KLHL1: variants seen among roughly 807,000 people sequenced by gnomAD.
KLHL1 encodes kelch-like protein 1.
KLHL1 carries 47 observed loss-of-function variants against 77.7 expected under a neutral mutation model. The ratio of observed to expected loss-of-function variants is 0.60; its 90% CI spans 0.48 to 0.77. The LOEUF is 0.77. Among genes scored for constraint, KLHL1 ranks in the 30% least tolerant of loss-of-function variants. The pLI, the probability that KLHL1 is intolerant of heterozygous loss-of-function variation, is 0.00. For synonymous variants in KLHL1, 360 were observed against 325.2 expected (o/e 1.11, Z -1.15); for missense variants, 925 against 910.8 (o/e 1.02, Z -0.20).
chr13:69,960,989 T>A lies in KLHL1; in HGVS notation c.817+319A>T, dbSNP rs182232309. 3.6e-3 allele frequency among the ~76,000 whole-genome samples: 543 copies of A among 152,166 alleles called. 4 individuals are homozygous for A. In the Middle Eastern group the frequency reaches 0.044, roughly 12 times the overall value. ...AAGAAAAGACAATTAGAATCTCTTT[T>A]CTTTCCTAAGCAAACATGGACATAA... On this transcript the variant is annotated intron_variant, in intron 3 of 10. Transcript: ENST00000377844.
Position 69,780,719 on chromosome 13 carries a change from T to TATATATATAC in KLHL1, c.1639+16018_1639+16019insGTATATATAT, listed in dbSNP as rs1566243825. On this transcript the variant is annotated intron_variant, in intron 7 of 10. Coordinates refer to ENST00000377844, the MANE Select transcript of KLHL1 (RefSeq NM_020866.3). ...ATATATATGTATATATATATATGTATATATATATATATACATATATATATA... is the reference window on the plus strand; with the variant it reads ...ATATATATGTATATATATATATGTATATATATATACATATATATATATACATATATATATA... Among the ~76,000 whole-genome samples the TATATATATAC allele has an allele frequency of 7.7e-3, 460 of 59,576 alleles. 8 individuals are homozygous for TATATATATAC. The highest frequency in any genetic ancestry group is 0.028 in the African/African-American group (442 of 15,602). The allele number at this position is 59,576 out of a possible 152,430, so 39.1% of individuals were successfully genotyped here. A position where few individuals can be genotyped will look rare whatever the true frequency, so the allele number is the denominator to read the frequency against.
intron 6 of KLHL1, among the ~76,000 whole-genome samples, chr13:69,821,815 T>C (rs1200825755): frequency 6.6e-6 from 1 of 152,168 alleles, no homozygotes; most frequent in African/African-American, 2.4e-5. Context: ...ACATAAACTA[T>C]TTTCGACTAA....
intron 7 of KLHL1, among the ~76,000 whole-genome samples, chr13:69,788,490 A>T (rs1593833185): frequency 6.6e-6 from 1 of 152,210 alleles, no homozygotes; most frequent in East Asian, 1.9e-4. Flanking sequence ...GAAGGGGAAC[A>T]TCACACTTCG....
At chr13:69,766,328 A>C (rs1875300581) in intron 7 of KLHL1, among the ~76,000 whole-genome samples, 2 of 152,072 alleles carry the variant, frequency 1.3e-5, no homozygotes, top group African/African-American at 2.4e-5. Flanking sequence ...TCAAATATGC[A>C]AATGTTGAGT....
intron 3 of KLHL1, 43 bp from the exon 4 acceptor site, chr13:69,940,279 T>G (rs1233684878): frequency 7.0e-7 from 1 of 1,434,824 alleles, no homozygotes; most frequent in Non-Finnish European, 9.5e-7. Flanking sequence ...TTTAAAAACA[T>G]GAAATAATAT....
intron 1 of KLHL1, among the ~76,000 whole-genome samples, chr13:69,999,350 C>T (rs957092229): frequency 2.0e-5 from 3 of 151,830 alleles, no homozygotes; most frequent in Non-Finnish European, 2.9e-5. Context: ...TGAGAAGATC[C>T]CAATGACTTG....
intron 8 of KLHL1, among the ~76,000 whole-genome samples, chr13:69,723,845 T>C (rs1196011183): frequency 1.4e-5 from 2 of 146,736 alleles, no homozygotes; most frequent in African/African-American, 2.5e-5. Context: ...TCAGAATTTT[T>C]TTTTTTTTTT....
intron 1 of KLHL1, among the ~76,000 whole-genome samples, chr13:70,068,195 G>C (rs1309431637): frequency 6.6e-6 from 1 of 151,886 alleles, no homozygotes. Flanking sequence ...CAAAAAATTG[G>C]CCGGGCGTGG....
chr13:70,107,406 T>G lies in KLHL1; in HGVS notation c.294A>C (p.Pro98=), dbSNP rs755788609. 9.3e-6 allele frequency: 15 copies of G among 1,613,108 alleles called. No homozygotes were observed. The highest frequency in any genetic ancestry group is 1.3e-5 in the Non-Finnish European group (15 of 1,180,006). Reference sequence around the variant, plus strand: ...CCCCTTGCTGCAGCCTCGTGGCAACTGGAAGCAGGGTGCCATTCAGCGGAT... The same window carrying G: ...CCCCTTGCTGCAGCCTCGTGGCAACGGGAAGCAGGGTGCCATTCAGCGGAT... The part of the protein sequence containing the change: ...SFNPLNGTLL[P]VATRLQQGAP... Residue 98 remains proline, a synonymous_variant, in exon 1 of 11, where the codon CCA becomes CCC. Coordinates refer to ENST00000377844, the MANE Select transcript of KLHL1 (RefSeq NM_020866.3).
intron 1 of KLHL1, among the ~76,000 whole-genome samples, chr13:69,980,554 C>A (rs17086079): frequency 0.15 from 22,882 of 152,074 alleles, 3,646 homozygotes; most frequent in African/African-American, 0.41. Context: ...ATTCCACACA[C>A]ATATTTTTCT....
chr13:69,780,713 T>TATATATATATATAC (rs1566243678), intron 7 of KLHL1, among the ~76,000 whole-genome samples: 5 of 32,952 alleles, frequency 1.5e-4, no homozygotes, highest in Non-Finnish European at 2.7e-4. Context: ...TATATATATA[T>TATATATATATATAC]ATGTATATAT....
At chr13:69,993,873 TG>T (rs1308883876) in intron 1 of KLHL1, among the ~76,000 whole-genome samples, 16 of 152,122 alleles carry the variant, frequency 1.1e-4, no homozygotes, top group African/African-American at 3.6e-4. Flanking sequence ...AATGGGAATT[TG>T]AAAGCCTAAC....
intron 5 of KLHL1, among the ~76,000 whole-genome samples, chr13:69,857,800 A>C (rs887999239): frequency 2.0e-5 from 3 of 151,890 alleles, no homozygotes; most frequent in African/African-American, 7.2e-5. Context: ...AAAGAACATT[A>C]GAATGAAATG....
intron 1 of KLHL1, among the ~76,000 whole-genome samples, chr13:70,088,938 T>C (rs1320771319): frequency 6.6e-6 from 1 of 152,306 alleles, no homozygotes; most frequent in East Asian, 1.9e-4. Flanking sequence ...CATATGTAGT[T>C]TGGCTCTTAT....
At chr13:69,760,947 G>A (rs1238802162) in intron 7 of KLHL1, among the ~76,000 whole-genome samples, 2 of 152,064 alleles carry the variant, frequency 1.3e-5, no homozygotes, top group Non-Finnish European at 2.9e-5. Flanking sequence ...TGGAATCAGA[G>A]AGAAAGTTTA....
intron 7 of KLHL1, among the ~76,000 whole-genome samples, chr13:69,792,773 C>T (rs1876925608): frequency 6.6e-6 from 1 of 151,982 alleles, no homozygotes; most frequent in African/African-American, 2.4e-5. Context: ...ATGAAAGAAG[C>T]CATACACAAA....
At chr13:69,882,913 T>C (rs1030187827) in intron 4 of KLHL1, among the ~76,000 whole-genome samples, 1 of 152,202 alleles carries the variant, frequency 6.6e-6, no homozygotes, top group African/African-American at 2.4e-5. Flanking sequence ...AAAGTAGCAC[T>C]ATAAGATGCA....
intron 8 of KLHL1, among the ~76,000 whole-genome samples, chr13:69,720,904 G>A (rs1445900398): frequency 6.8e-6 from 1 of 146,280 alleles, no homozygotes; most frequent in Non-Finnish European, 1.5e-5. Flanking sequence ...TTTGAATAGA[G>A]GGAGAATATG....
chr13:69,934,990 G>A (rs372337122), intron 4 of KLHL1, among the ~76,000 whole-genome samples: 1,166 of 94,758 alleles, frequency 0.012, 15 homozygotes, highest in African/African-American at 0.051. Context: ...ATATATATAT[G>A]TATATATATA....
Sources: gnomAD v4.1 joint callset for allele counts (sites outside exome capture counted in the v4.1 genomes callset) on GRCh38, gnomAD v4.1.1 for gene constraint, MANE v1.5 for transcripts, NCBI Gene and HGNC (gene_info 2026-07-23, HGNC 2026-07-21) for gene names.